Variants in CLIP1 observed in about 807,000 individuals in gnomAD.
The protein encoded by CLIP1 is CAP-Gly domain-containing linker protein 1.
In CLIP1, 66 loss-of-function variants were observed where a neutral mutation model predicts 161.6. The observed-to-expected ratio is 0.41, with a 90% CI of 0.33 to 0.50. CLIP1 has a LOEUF of 0.50. Among genes scored for constraint, CLIP1 ranks in the 20% least tolerant of loss-of-function variants. CLIP1 has a pLI of 0.27. For synonymous variants in CLIP1, 598 were observed against 626.2 expected (o/e 0.96, Z 0.67); for missense variants, 1,376 against 1,702.0 (o/e 0.81, Z 3.37).
At chr12:122,390,756 T>C (rs1213336901) in intron 1 of CLIP1, among the ~76,000 whole-genome samples, 1 of 151,806 alleles carries the variant, frequency 6.6e-6, no homozygotes, top group African/African-American at 2.4e-5. Flanking sequence ...AAGAACCATT[T>C]GTATAATGTT....
At chr12:122,286,172 G>A (rs1955843458) in intron 21 of CLIP1, among the ~76,000 whole-genome samples, 1 of 152,112 alleles carries the variant, frequency 6.6e-6, no homozygotes, top group Non-Finnish European at 1.5e-5. Context: ...CACTAAACCT[G>A]CTTGGCACCG....
intron 3 of CLIP1, chr12:122,365,292 C>T (rs1017044074): frequency 2.9e-5 from 22 of 764,706 alleles, no homozygotes; most frequent in African/African-American, 2.1e-4. Context: ...CAAAGGAATG[C>T]GTACTGTTCA....
intron 17 of CLIP1, 42 bp downstream of exon 17, chr12:122,327,905 C>T: frequency 5.0e-6 from 8 of 1,587,182 alleles, no homozygotes; most frequent in Non-Finnish European, 6.9e-6. Flanking sequence ...ACACAGAGCT[C>T]AGGCAAGCTA....
intron 11 of CLIP1, among the ~76,000 whole-genome samples, chr12:122,339,647 G>C (rs1952403226): frequency 6.6e-6 from 1 of 152,098 alleles, no homozygotes; most frequent in African/African-American, 2.4e-5. Context: ...TAATAGTCAA[G>C]AAGCACTGAA....
intron 1 of CLIP1, among the ~76,000 whole-genome samples, chr12:122,407,397 G>T (rs1477596431): frequency 6.6e-6 from 1 of 152,046 alleles, no homozygotes; most frequent in Non-Finnish European, 1.5e-5. Context: ...AGATCAAAGA[G>T]TCAATCTCAA....
intron 1 of CLIP1, among the ~76,000 whole-genome samples, chr12:122,402,541 C>T (rs1183710529): frequency 1.3e-5 from 2 of 151,904 alleles, no homozygotes; most frequent in East Asian, 1.9e-4. Flanking sequence ...TTTGGGAGAC[C>T]GAAGCACATG....
At chr12:122,373,464 TAA>T (rs1954557464) in intron 3 of CLIP1, among the ~76,000 whole-genome samples, 2 of 135,540 alleles carry the variant, frequency 1.5e-5, no homozygotes, top group Admixed American at 7.3e-5. Context: ...TAAATGAATC[TAA>T]AAAAAGAGCT....
At chr12:122,410,797 C>T (rs1956499787) in intron 1 of CLIP1, among the ~76,000 whole-genome samples, 1 of 152,090 alleles carries the variant, frequency 6.6e-6, no homozygotes, top group Admixed American at 6.6e-5. Context: ...AAAAAGATAA[C>T]AGGTTTGTTT....
In CLIP1 at chr12:122,272,722, G is replaced by C; in HGVS notation, c.*153C>G. 1 of 656,582 alleles carries C rather than the reference G, an allele frequency of 1.5e-6. No homozygotes were observed. 40.7% of individuals were successfully genotyped at this position (656,582 alleles called of 1,614,324 possible). A position where few individuals can be genotyped will look rare whatever the true frequency, so the allele number is the denominator to read the frequency against. On this transcript the variant is annotated 3_prime_UTR_variant, in exon 26 of 26. Coordinates refer to ENST00000620786, the MANE Select transcript of CLIP1 (RefSeq NM_001247997.2). Reference sequence around the variant, plus strand: ...CTAACTCATACGGGGAGACTAAAGGGCAATTTGTTGAAGATCAAAATATTT... The same window carrying C: ...CTAACTCATACGGGGAGACTAAAGGCCAATTTGTTGAAGATCAAAATATTT...
At chr12:122,376,389 T>C (rs1172837922) in intron 3 of CLIP1, among the ~76,000 whole-genome samples, 2 of 151,884 alleles carry the variant, frequency 1.3e-5, no homozygotes, top group Non-Finnish European at 2.9e-5. Context: ...CTTGTTAGTA[T>C]AGTGGTGAGT....
At chr12:122,356,588 T>C (rs1313358493) in intron 5 of CLIP1, among the ~76,000 whole-genome samples, 1 of 152,132 alleles carries the variant, frequency 6.6e-6, no homozygotes, top group Non-Finnish European at 1.5e-5. Context: ...TATTAAAGAA[T>C]GAATTGGGTC....
intron 20 of CLIP1, 138 bp from the exon 21 acceptor site, chr12:122,288,679 T>A (rs1418775687): frequency 1.5e-6 from 1 of 664,898 alleles, no homozygotes; most frequent in South Asian, 1.9e-5. Flanking sequence ...GAGGGACAAG[T>A]GGTCACTCTA....
chr12:122,283,150 C>T (rs189408592), intron 21 of CLIP1, among the ~76,000 whole-genome samples: 23 of 152,118 alleles, frequency 1.5e-4, no homozygotes, highest in African/African-American at 5.6e-4. Flanking sequence ...GCAACCAAAC[C>T]GGCTCCCAAA....
In CLIP1 at chr12:122,340,933, CT is replaced by C; in HGVS notation, c.2270del (p.Lys757ArgfsTer34). ...VLQAKCNEQT[K>X]VIDNFTSQLK... ...GCTGTGATGTAAAATTATCAATAAC[CT>C]TGGTTTGTTCATTGCATTTGGCTTG... On this transcript the variant is annotated frameshift_variant, in exon 11 of 26. Transcript: ENST00000620786. LOFTEE classifies it high-confidence loss of function. 6.2e-7 allele frequency: 1 copy of C among 1,614,164 alleles called. No homozygotes were observed. The highest frequency in any genetic ancestry group is 8.5e-7 in the Non-Finnish European group (1 of 1,180,024).
At chr12:122,300,401 A>G (rs1009828906) in intron 20 of CLIP1, among the ~76,000 whole-genome samples, 8 of 152,222 alleles carry the variant, frequency 5.3e-5, no homozygotes, top group African/African-American at 7.2e-5. Flanking sequence ...GAGAGAATAA[A>G]TCGAAGTAAA....
chr12:122,371,987 GA>G (rs940177524), intron 3 of CLIP1, among the ~76,000 whole-genome samples: 1 of 150,954 alleles, frequency 6.6e-6, no homozygotes, highest in African/African-American at 2.4e-5. Flanking sequence ...ACTGAAAAAT[GA>G]AAAAAAAACT....
intron 16 of CLIP1, 43 bp from the exon 17 acceptor site, chr12:122,328,205 G>A (rs778413360): frequency 1.4e-5 from 22 of 1,613,192 alleles, no homozygotes; most frequent in South Asian, 1.1e-4. Flanking sequence ...CTGCCCATGC[G>A]TGTACTATCC....
intron 20 of CLIP1, among the ~76,000 whole-genome samples, chr12:122,299,049 AGT>A (rs1950578293): frequency 1.3e-5 from 2 of 152,176 alleles, no homozygotes; most frequent in Non-Finnish European, 2.9e-5. Context: ...CTTCACAGAG[AGT>A]GCACGTGTCA....
At chr12:122,373,544 G>A (rs1351659657) in intron 3 of CLIP1, among the ~76,000 whole-genome samples, 1 of 151,028 alleles carries the variant, frequency 6.6e-6, no homozygotes, top group Non-Finnish European at 1.5e-5. Context: ...AACTTACCAG[G>A]AAGGACATAC....
Sources: allele counts gnomAD v4.1 joint callset (sites outside exome capture counted in the v4.1 genomes callset), GRCh38; gene constraint gnomAD v4.1.1; transcripts MANE v1.5; gene names NCBI Gene and HGNC (gene_info 2026-07-23, HGNC 2026-07-21).